The following FOXN3 variants were observed in gnomAD, a reference collection of about 807,000 sequenced individuals.
FOXN3 encodes the protein forkhead box protein N3.
In FOXN3, 7 loss-of-function variants were observed where a neutral mutation model predicts 38.4. The observed-to-expected ratio is 0.18, with a 90% CI of 0.10 to 0.34. The LOEUF (loss-of-function observed/expected upper bound fraction) is 0.34, where lower values mean the gene tolerates loss of function less well. Ranked by LOEUF, FOXN3 falls within the 10% of genes least tolerant of loss-of-function variation. The probability of loss-of-function intolerance (pLI) is 1.00; values close to 1 mark genes in which losing one functional copy is unlikely to be tolerated. For missense variants in FOXN3, 456 were observed against 613.4 expected (o/e 0.74, Z 2.71); for synonymous variants, 230 against 242.2 (o/e 0.95, Z 0.47).
chr14:89,366,739 T>C (rs993071746), intron 2 of FOXN3, among the ~76,000 whole-genome samples: 14 of 152,182 alleles, frequency 9.2e-5, no homozygotes, highest in African/African-American at 1.4e-4. Flanking sequence ...GTACCTCCAC[T>C]TTCTTTAAGG....
At chr14:89,279,605 T>G in intron 4 of FOXN3, among the ~76,000 whole-genome samples, 1 of 152,196 alleles carries the variant, frequency 6.6e-6, no homozygotes, top group Non-Finnish European at 1.5e-5. Flanking sequence ...ACTTCTACTA[T>G]CTGAAGGGAA....
chr14:89,580,041 T>C (rs1217779091), intron 1 of FOXN3, among the ~76,000 whole-genome samples: 2 of 152,170 alleles, frequency 1.3e-5, no homozygotes, highest in Non-Finnish European at 2.9e-5. Flanking sequence ...CAAAGTTATA[T>C]AGAGGTAACT....
chr14:89,337,305 A>G (rs1444683759), intron 3 of FOXN3, among the ~76,000 whole-genome samples: 1 of 152,176 alleles, frequency 6.6e-6, no homozygotes, highest in Non-Finnish European at 1.5e-5. Flanking sequence ...CAAGATTGGG[A>G]GCTGGGAGGA....
chr14:89,482,468 A>C (rs1893352975), intron 1 of FOXN3, among the ~76,000 whole-genome samples: 1 of 152,204 alleles, frequency 6.6e-6, no homozygotes, highest in African/African-American at 2.4e-5. Context: ...ATAAAATTTT[A>C]AAAACAAGAC....
intron 1 of FOXN3, among the ~76,000 whole-genome samples, chr14:89,536,072 C>T (rs892241151): frequency 2.0e-5 from 3 of 152,188 alleles, no homozygotes; most frequent in African/African-American, 7.2e-5. Context: ...CTTTCCAATA[C>T]ATCAACACTC....
At chr14:89,376,700 A>C (rs1425238860) in intron 2 of FOXN3, among the ~76,000 whole-genome samples, 1 of 152,062 alleles carries the variant, frequency 6.6e-6, no homozygotes, top group Non-Finnish European at 1.5e-5. Context: ...AGCACCCAGC[A>C]TTGCCTGGCA....
intron 4 of FOXN3, among the ~76,000 whole-genome samples, chr14:89,275,096 C>G (rs1886261726): frequency 6.6e-6 from 1 of 152,232 alleles, no homozygotes; most frequent in African/African-American, 2.4e-5. Context: ...CAAGCATTGT[C>G]ATGACTCCTA....
intron 2 of FOXN3, among the ~76,000 whole-genome samples, chr14:89,363,978 ATATATATAT>A (rs1890037013): frequency 1.6e-4 from 14 of 87,012 alleles, no homozygotes; most frequent in Admixed American, 8.2e-4. Context: ...ATATATATAT[ATATATATAT>A]AATATATATA....
At position 89,164,504 on chromosome 14, in the gene FOXN3, A is replaced by G. The variant is rs527525925; in HGVS notation, c.852-1535T>C. ...ATCCCCTCCATAGAGGGCACTCCCC[A>G]CCATCATTATGAACTGTGTGGTCAT... On this transcript the variant is annotated intron_variant, in intron 5 of 5. Transcript: ENST00000557258. This position sits in a 1 kb window ranked among gnomAD's most constrained non-coding sequence, Gnocchi z 4.3. Among the ~76,000 whole-genome samples, 2 of 152,172 alleles carry G rather than the reference A, an allele frequency of 1.3e-5. No homozygotes were observed. The highest frequency in any genetic ancestry group is 4.1e-4 in the South Asian group (2 of 4,822).
chr14:89,454,225 A>T (rs1892675964), intron 1 of FOXN3, among the ~76,000 whole-genome samples: 1 of 152,200 alleles, frequency 6.6e-6, no homozygotes, highest in East Asian at 1.9e-4. Context: ...AATCGCTTGA[A>T]TCCAGGAGGC....
chr14:89,385,491 C>T (rs1596243542), intron 2 of FOXN3, among the ~76,000 whole-genome samples: 1 of 70,536 alleles, frequency 1.4e-5, no homozygotes, highest in Non-Finnish European at 3.0e-5. Flanking sequence ...AAAGCTGAGG[C>T]AAACATTTAA....
chr14:89,446,263 A>C (rs1297068337), intron 1 of FOXN3, among the ~76,000 whole-genome samples: 4 of 128,892 alleles, frequency 3.1e-5, no homozygotes, highest in African/African-American at 1.2e-4. Flanking sequence ...ATCTCGGCTC[A>C]CTGCAACCTC....
At chr14:89,467,796 CTT>C (rs1893004124) in intron 1 of FOXN3, among the ~76,000 whole-genome samples, 1 of 81,304 alleles carries the variant, frequency 1.2e-5, no homozygotes, top group Admixed American at 1.4e-4. Context: ...CTTTTCTTTT[CTT>C]TCTTTGTTTT....
At chr14:89,173,010 T>C (rs1887429523) in intron 5 of FOXN3, among the ~76,000 whole-genome samples, 2 of 152,014 alleles carry the variant, frequency 1.3e-5, no homozygotes, top group African/African-American at 4.8e-5. Flanking sequence ...AGAATGGAAA[T>C]TGAAAGAGAG....
chr14:89,325,970 T>G (rs554028354), intron 3 of FOXN3, among the ~76,000 whole-genome samples: 3 of 152,190 alleles, frequency 2.0e-5, no homozygotes, highest in Admixed American at 1.3e-4. Context: ...ACATTAATCA[T>G]GGGGAATTAT....
chr14:89,282,210 C>A (rs1438916837), intron 3 of FOXN3, among the ~76,000 whole-genome samples: 2 of 152,156 alleles, frequency 1.3e-5, no homozygotes, highest in South Asian at 2.1e-4. Context: ...AAAATGCTAT[C>A]CCACATCAAA....
intron 1 of FOXN3, among the ~76,000 whole-genome samples, chr14:89,450,864 A>G (rs1039519685): frequency 2.6e-5 from 4 of 152,154 alleles, no homozygotes; most frequent in African/African-American, 9.7e-5. Context: ...TGTGCCTTGC[A>G]TGGAAATAAC....
Position 89,180,659 on chromosome 14 carries a change from CCACTCCCCAGGCTGGCTCTGCCCAGCG to C in FOXN3, c.851+15_851+41del. 2 of 1,453,774 alleles carry C rather than the reference CCACTCCCCAGGCTGGCTCTGCCCAGCG, an allele frequency of 1.4e-6. No individual in the cohort carries two copies. Among genetic ancestry groups the C allele is most frequent in the South Asian group, 2.7e-5 (2 of 74,464 alleles). The allele number at this position is 1,453,774 out of a possible 1,614,324, so 90.1% of individuals were successfully genotyped here. The stretch of plus-strand genomic sequence containing the variant: ...CCCCGTGGACAGAAAGCTGCCCTTC[CCACTCCCCAGGCTGGCTCTGCCCAGCG>C]CACTCCCCACTTACCTCATGGCCGC... On this transcript the variant is annotated intron_variant, in intron 5 of 5. Coordinates refer to ENST00000557258, the MANE Select transcript of FOXN3 (RefSeq NM_005197.4).
intron 1 of FOXN3, among the ~76,000 whole-genome samples, chr14:89,446,484 T>C (rs1324739076): frequency 6.6e-6 from 1 of 152,174 alleles, no homozygotes; most frequent in Non-Finnish European, 1.5e-5. Context: ...CCACTGTACC[T>C]GTCCCTAAAA....
Sources: gnomAD v4.1 joint callset for allele counts (sites outside exome capture counted in the v4.1 genomes callset) on GRCh38, gnomAD v4.1.1 for gene constraint, Gnocchi (gnomAD v3.1) non-coding constraint, MANE v1.5 for transcripts, NCBI Gene and HGNC (gene_info 2026-07-23, HGNC 2026-07-21) for gene names.